The following METTL15 variants were observed in gnomAD, a reference collection of about 807,000 sequenced individuals.
METTL15 encodes the protein 12S rRNA N(4)-cytidine methyltransferase METTL15.
Under a neutral mutation model 38.3 loss-of-function variants are expected in METTL15, and 34 were observed. The observed-to-expected ratio is 0.89, with a 90% CI of 0.68 to 1.18. The LOEUF (loss-of-function observed/expected upper bound fraction) is 1.18. METTL15 is among the 50% of genes most tolerant of loss of function. The pLI is 0.00. For synonymous variants in METTL15, 162 were observed against 170.9 expected (o/e 0.95, Z 0.41); for missense variants, 438 against 498.4 (o/e 0.88, Z 1.15).
chr11:28,155,715 T>C (rs191650740), intron 3 of METTL15, among the ~76,000 whole-genome samples: 107 of 152,318 alleles, frequency 7.0e-4, no homozygotes, highest in African/African-American at 2.4e-3. Context: ...TCTGGCTTTT[T>C]TGTGTGCCTC....
chr11:28,173,899 G>A (rs148462800), intron 3 of METTL15, among the ~76,000 whole-genome samples: 419 of 152,256 alleles, frequency 2.8e-3, no homozygotes, highest in African/African-American at 8.6e-3. Flanking sequence ...TATGGGTTTC[G>A]GGGAGGAAGA....
At chr11:28,317,326 T>C (rs1200031652) in intron 6 of METTL15, among the ~76,000 whole-genome samples, 2 of 152,108 alleles carry the variant, frequency 1.3e-5, no homozygotes, top group African/African-American at 4.8e-5. Flanking sequence ...ATTTGTAATA[T>C]TACTTGAATT....
chr11:28,286,211 G>A (rs1019910060), intron 4 of METTL15, among the ~76,000 whole-genome samples: 1 of 152,054 alleles, frequency 6.6e-6, no homozygotes, highest in African/African-American at 2.4e-5. Flanking sequence ...TCTTCCTCTG[G>A]GAAACTTCAG....
At chr11:28,374,097 T>C (rs974490550) in intron 5 of METTL15, among the ~76,000 whole-genome samples, 7 of 152,258 alleles carry the variant, frequency 4.6e-5, no homozygotes, top group South Asian at 2.1e-4. Context: ...AGTCAGGTAG[T>C]GTGATGTCTC....
chr11:28,364,455 G>T (rs1229881333), intron 5 of METTL15, among the ~76,000 whole-genome samples: 2 of 152,074 alleles, frequency 1.3e-5, no homozygotes, highest in East Asian at 1.9e-4. Flanking sequence ...TGTAAATGGG[G>T]TTGTTTTCTT....
At chr11:28,368,408 T>C (rs1341917503) in intron 5 of METTL15, among the ~76,000 whole-genome samples, 1 of 152,098 alleles carries the variant, frequency 6.6e-6, no homozygotes, top group African/African-American at 2.4e-5. Flanking sequence ...AAAAAGCTCA[T>C]CATCACTGTT....
intron 6 of METTL15, among the ~76,000 whole-genome samples, chr11:28,452,212 A>T (rs1274089134): frequency 6.6e-6 from 1 of 152,168 alleles, no homozygotes; most frequent in East Asian, 1.9e-4. Context: ...TTCTACTTTC[A>T]CACCTTGGTT....
At chr11:28,160,102 T>C (rs1850404768) in intron 3 of METTL15, among the ~76,000 whole-genome samples, 1 of 152,034 alleles carries the variant, frequency 6.6e-6, no homozygotes, top group Admixed American at 6.6e-5. Context: ...GAGACTGGCC[T>C]AGCCTCCCAG....
At chr11:28,335,945 C>T (rs1849897006), downstream of METTL15, among the ~76,000 whole-genome samples, 1 of 152,132 alleles carries the variant, frequency 6.6e-6, no homozygotes, top group South Asian at 2.1e-4. Context: ...AAGCAGTTAG[C>T]ACAGTTCTGG....
At chr11:28,336,654 T>G (rs1219168641), downstream of METTL15, among the ~76,000 whole-genome samples, 2 of 152,178 alleles carry the variant, frequency 1.3e-5, no homozygotes, top group African/African-American at 4.8e-5. Context: ...AGCTAAAAAA[T>G]TCCTATCACC....
intron 6 of METTL15, among the ~76,000 whole-genome samples, chr11:28,434,552 A>G (rs1020487812): frequency 2.6e-5 from 4 of 152,248 alleles, no homozygotes; most frequent in African/African-American, 9.6e-5. Context: ...TCACTAAAAG[A>G]TGAATCTATT....
intron 4 of METTL15, among the ~76,000 whole-genome samples, chr11:28,274,940 A>T (rs1045717169): frequency 2.0e-5 from 3 of 150,998 alleles, no homozygotes; most frequent in Admixed American, 6.6e-5. Context: ...TATAATACAA[A>T]ATATATATAT....
At chr11:28,226,945 T>A (rs556834762) in intron 4 of METTL15, among the ~76,000 whole-genome samples, 1 of 152,046 alleles carries the variant, frequency 6.6e-6, no homozygotes, top group South Asian at 2.1e-4. Flanking sequence ...GGAAAAATTA[T>A]CTAAACCATT....
intron 6 of METTL15, among the ~76,000 whole-genome samples, chr11:28,460,740 GAGGGGC>G (rs1397020558): frequency 4.1e-4 from 63 of 152,168 alleles, no homozygotes; most frequent in African/African-American, 1.5e-3. Context: ...TCAGAAGAGT[GAGGGGC>G]TAAATATTTG....
chr11:28,197,456 A>G (rs1392759400), intron 3 of METTL15: 2 of 429,930 alleles, frequency 4.7e-6, no homozygotes, highest in Non-Finnish European at 9.8e-6. Context: ...GTTCATGTGT[A>G]TTGTCTTATT....
intron 5 of METTL15, among the ~76,000 whole-genome samples, chr11:28,415,498 T>G (rs1003457233): frequency 6.6e-6 from 1 of 152,204 alleles, no homozygotes; most frequent in African/African-American, 2.4e-5. Context: ...ATTATCTTAT[T>G]CAATCATCAG....
chr11:28,196,329 A>G (rs374854984), intron 3 of METTL15, among the ~76,000 whole-genome samples: 1 of 152,080 alleles, frequency 6.6e-6, no homozygotes, highest in Non-Finnish European at 1.5e-5. Flanking sequence ...CTTCCAATCC[A>G]TGAACGTAGG....
At chr11:28,165,209 T>C (rs1266064500) in intron 3 of METTL15, among the ~76,000 whole-genome samples, 2 of 152,126 alleles carry the variant, frequency 1.3e-5, no homozygotes, top group East Asian at 3.9e-4. Flanking sequence ...ATCTAGAATT[T>C]GATTGCTAGG....
chr11:28,299,684 G>T (rs1441548210), intron 6 of METTL15, among the ~76,000 whole-genome samples: 2 of 152,094 alleles, frequency 1.3e-5, no homozygotes, highest in Non-Finnish European at 2.9e-5. Flanking sequence ...GACACAATTG[G>T]AAGGGCACAA....
Sources: gnomAD v4.1 joint callset for allele counts (sites outside exome capture counted in the v4.1 genomes callset) on GRCh38, gnomAD v4.1.1 for gene constraint, MANE v1.5 for transcripts, NCBI Gene and HGNC (gene_info 2026-07-23, HGNC 2026-07-21) for gene names.